ADK: variants seen among roughly 807,000 people sequenced by gnomAD.
ADK encodes the protein N6,N6-dimethyladenosine kinase.
A neutral mutation model predicts 44.7 loss-of-function variants in ADK; 24 were observed. The ratio of observed to expected loss-of-function variants is 0.54; its 90% CI spans 0.39 to 0.76. The LOEUF (loss-of-function observed/expected upper bound fraction) is 0.76. Ranked by LOEUF, ADK falls within the 30% of genes least tolerant of loss-of-function variation. The pLI, the probability that ADK is intolerant of heterozygous loss-of-function variation, is 0.00. For synonymous variants in ADK, 128 were observed against 142.6 expected, an observed-to-expected ratio of 0.90 and a Z score of 0.73; for missense variants, 321 against 425.1, an observed-to-expected ratio of 0.76 and a Z score of 2.15.
chr10:74,299,513 G>A (rs1042111294), intron 3 of ADK, among the ~76,000 whole-genome samples: 143 of 69,288 alleles, frequency 2.1e-3, no homozygotes, highest in African/African-American at 4.7e-3. Flanking sequence ...AAAAAAAAAA[G>A]AAATATATAT....
chr10:74,660,421 C>G (rs547947947), intron 9 of ADK, among the ~76,000 whole-genome samples: 1 of 152,134 alleles, frequency 6.6e-6, no homozygotes, highest in Admixed American at 6.5e-5. Flanking sequence ...CACGAGCCAC[C>G]GTGTCTAGCC....
At chr10:74,352,479 A>C (rs189265586) in intron 4 of ADK, among the ~76,000 whole-genome samples, 39 of 152,340 alleles carry the variant, frequency 2.6e-4, no homozygotes, top group African/African-American at 9.4e-4. Flanking sequence ...CCCTAGAAGA[A>C]AACCTAGGCA....
At chr10:74,566,807 T>C (rs1170149137) in intron 7 of ADK, among the ~76,000 whole-genome samples, 1 of 152,216 alleles carries the variant, frequency 6.6e-6, no homozygotes, top group Non-Finnish European at 1.5e-5. Flanking sequence ...GTAATTAATC[T>C]TTTCCTGTTA....
intron 3 of ADK, among the ~76,000 whole-genome samples, chr10:74,305,111 A>G (rs886948733): frequency 6.6e-6 from 1 of 152,202 alleles, no homozygotes; most frequent in African/African-American, 2.4e-5. Context: ...ATGCTGTGTA[A>G]GTAGTTGTTA....
chr10:74,642,795 T>C (rs1853914622), intron 9 of ADK, among the ~76,000 whole-genome samples: 1 of 150,988 alleles, frequency 6.6e-6, no homozygotes, highest in Admixed American at 6.6e-5. Flanking sequence ...TTCTACCTGA[T>C]CACTCTCTGA....
intron 3 of ADK, among the ~76,000 whole-genome samples, chr10:74,265,564 T>C (rs990171754): frequency 6.6e-6 from 1 of 152,156 alleles, no homozygotes; most frequent in Non-Finnish European, 1.5e-5. Context: ...AACATTTTTT[T>C]CTGTGATGAT....
intron 1 of ADK, among the ~76,000 whole-genome samples, chr10:74,180,306 C>T (rs991940161): frequency 1.4e-5 from 2 of 146,684 alleles, no homozygotes. Context: ...GGCGCGATCT[C>T]GGCTCATTGC....
intron 6 of ADK, among the ~76,000 whole-genome samples, chr10:74,438,072 C>T (rs1005537044): frequency 6.6e-6 from 1 of 152,162 alleles, no homozygotes; most frequent in African/African-American, 2.4e-5. Flanking sequence ...TTCCCTGTTC[C>T]TCCATGAGCT....
At chr10:74,616,589 T>C (rs1168567277) in intron 9 of ADK, among the ~76,000 whole-genome samples, 1 of 152,198 alleles carries the variant, frequency 6.6e-6, no homozygotes, top group East Asian at 1.9e-4. Context: ...CTCTATCCTT[T>C]ACCAATTGCA....
At chr10:74,302,609 T>C (rs757745591) in intron 3 of ADK, among the ~76,000 whole-genome samples, 13 of 151,982 alleles carry the variant, frequency 8.6e-5, no homozygotes, top group Non-Finnish European at 1.5e-4. Context: ...CCGGAGCAAC[T>C]TGGCAAAACC....
chr10:74,562,333 G>T (rs1850493359), intron 7 of ADK, among the ~76,000 whole-genome samples: 1 of 152,126 alleles, frequency 6.6e-6, no homozygotes, highest in African/African-American at 2.4e-5. Context: ...GTATATATGG[G>T]GAAGGAAAGA....
intron 7 of ADK, among the ~76,000 whole-genome samples, chr10:74,535,812 GC>G (rs1452337773): frequency 1.3e-5 from 2 of 151,782 alleles, no homozygotes; most frequent in Non-Finnish European, 2.9e-5. Context: ...TGAACTCCTG[GC>G]CTCAAGTGAT....
intron 6 of ADK, among the ~76,000 whole-genome samples, chr10:74,499,864 A>T (rs1274768870): frequency 6.6e-6 from 1 of 151,814 alleles, no homozygotes; most frequent in Non-Finnish European, 1.5e-5. Context: ...TTCTCTGATC[A>T]TTTTTTTTAG....
chr10:74,574,682 C>G (rs73276217), intron 7 of ADK, among the ~76,000 whole-genome samples: 7,169 of 152,224 alleles, frequency 0.047, 518 homozygotes, highest in African/African-American at 0.15. Flanking sequence ...CATAATCCTT[C>G]AGGATAACTT....
At chr10:74,582,746 G>A (rs6480741) in intron 7 of ADK, among the ~76,000 whole-genome samples, 52,596 of 151,886 alleles carry the variant, frequency 0.35, 12,720 homozygotes, top group East Asian at 0.65. Flanking sequence ...CTTTATAGCT[G>A]TGCATTGCCC....
At chr10:74,169,174 G>C (rs1842103144) in intron 1 of ADK, among the ~76,000 whole-genome samples, 1 of 148,980 alleles carries the variant, frequency 6.7e-6, no homozygotes, top group African/African-American at 2.5e-5. Flanking sequence ...AACCAAGATT[G>C]TGCCAGTACA....
At chr10:74,199,742 C>T (rs574853115) in intron 1 of ADK, among the ~76,000 whole-genome samples, 6 of 152,138 alleles carry the variant, frequency 3.9e-5, no homozygotes, top group East Asian at 1.9e-4. Flanking sequence ...CGCAGTGGCA[C>T]GATCTCGACT....
chr10:74,298,028 G>A (rs1272615961), intron 3 of ADK, among the ~76,000 whole-genome samples: 1 of 152,046 alleles, frequency 6.6e-6, no homozygotes, highest in Non-Finnish European at 1.5e-5. Flanking sequence ...AACAAGAAAA[G>A]GAGAAAATCT....
chr10:74,476,127 G>A (rs1386203609), intron 6 of ADK, among the ~76,000 whole-genome samples: 1 of 152,066 alleles, frequency 6.6e-6, no homozygotes, highest in African/African-American at 2.4e-5. Context: ...TTCTCTGATA[G>A]TGAGAAAGCT....
Sources: allele counts gnomAD v4.1 joint callset (sites outside exome capture counted in the v4.1 genomes callset), GRCh38; gene constraint gnomAD v4.1.1; transcripts MANE v1.5; gene names NCBI Gene and HGNC (gene_info 2026-07-23, HGNC 2026-07-21).